The following ASAP2 variants were observed in gnomAD, a reference collection of about 807,000 sequenced individuals.
ASAP2 encodes the protein ArfGAP with SH3 domain, ankyrin repeat and PH domain 2, also known as arf-GAP with SH3 domain, ANK repeat and PH domain-containing protein 2.
In ASAP2, 45 loss-of-function variants were observed where a neutral mutation model predicts 131.4. The observed-to-expected ratio is 0.34, with a 90% CI of 0.27 to 0.44. The LOEUF (loss-of-function observed/expected upper bound fraction) is 0.44. Ranked by LOEUF, ASAP2 falls within the 20% of genes least tolerant of loss-of-function variation. ASAP2 has a pLI of 1.00. For synonymous variants in ASAP2, 510 were observed against 503.0 expected, an observed-to-expected ratio of 1.01 and a Z score of -0.19; for missense variants, 1,011 against 1,297.0, an observed-to-expected ratio of 0.78 and a Z score of 3.39.
intron 15 of ASAP2, among the ~76,000 whole-genome samples, chr2:9,359,216 C>T (rs374323344): frequency 2.0e-5 from 3 of 152,220 alleles, no homozygotes; most frequent in African/African-American, 7.2e-5. Flanking sequence ...TGGAATGCAA[C>T]GTCTAAAGAC....
intron 3 of ASAP2, among the ~76,000 whole-genome samples, chr2:9,310,748 G>A (rs1327620879): frequency 6.6e-6 from 1 of 152,108 alleles, no homozygotes; most frequent in Non-Finnish European, 1.5e-5. Context: ...CAGATCTACA[G>A]GCAAGGAATT....
chr2:9,327,943 G>A (rs374014789), intron 7 of ASAP2, 32 bp downstream of exon 7: 1 of 1,501,738 alleles, frequency 6.7e-7, no homozygotes, highest in South Asian at 1.3e-5. Flanking sequence ...TATCTTAAAT[G>A]TTTGTTCATG....
chr2:9,242,382 C>T (rs968363436), intron 1 of ASAP2, among the ~76,000 whole-genome samples: 6 of 152,220 alleles, frequency 3.9e-5, no homozygotes, highest in Admixed American at 1.3e-4. Context: ...TTCACTGTAA[C>T]CTCTAGTGAT....
intron 11 of ASAP2, among the ~76,000 whole-genome samples, chr2:9,349,673 C>A (rs547206838): frequency 6.6e-6 from 1 of 152,274 alleles, no homozygotes; most frequent in East Asian, 1.9e-4. Context: ...CTAGTACAAC[C>A]CTGTTTATCT....
In ASAP2 at chr2:9,207,274, C is replaced by T. The variant is rs1183241246; in HGVS notation, c.126+44C>T. Reference sequence around the variant, plus strand: ...CGGCTCCGGCCGCAGGTATCCCGCGCCCCAGCCCCGCCCGCCGCTCCCGCA... The same window carrying T: ...CGGCTCCGGCCGCAGGTATCCCGCGTCCCAGCCCCGCCCGCCGCTCCCGCA... On this transcript the variant is annotated intron_variant, in intron 1 of 27. Coordinates refer to ENST00000281419, the MANE Select transcript of ASAP2 (RefSeq NM_003887.3). The surrounding 1 kb of genome is among the most constrained non-coding windows in gnomAD (Gnocchi z 4.1). 1.4e-6 allele frequency: 2 copies of T among 1,477,316 alleles called. No homozygotes were observed. Among genetic ancestry groups the T allele is most frequent in the Admixed American group, 2.5e-5 (1 of 39,472 alleles). 91.5% of individuals were successfully genotyped at this position (1,477,316 alleles called of 1,614,324 possible).
At chr2:9,365,908 T>A (rs1173874746) in intron 15 of ASAP2, among the ~76,000 whole-genome samples, 3 of 152,104 alleles carry the variant, frequency 2.0e-5, no homozygotes, top group Non-Finnish European at 4.4e-5. Context: ...TGAGCTACCC[T>A]GGGTGATACA....
chr2:9,211,276 T>G (rs1661530661), intron 1 of ASAP2, among the ~76,000 whole-genome samples: 1 of 152,208 alleles, frequency 6.6e-6, no homozygotes, highest in Non-Finnish European at 1.5e-5. Context: ...TTAGCAAACT[T>G]AGCAAAGTCT....
chr2:9,359,669 T>A (rs147077103), intron 15 of ASAP2, among the ~76,000 whole-genome samples: 28 of 152,304 alleles, frequency 1.8e-4, no homozygotes, highest in Admixed American at 1.0e-3. Context: ...GAATTTAACG[T>A]CAAGAGCAAT....
chr2:9,316,379 A>G (rs1395344599), intron 3 of ASAP2, among the ~76,000 whole-genome samples: 1 of 152,174 alleles, frequency 6.6e-6, no homozygotes, highest in African/African-American at 2.4e-5. Flanking sequence ...AAGTGGTGCC[A>G]TTTTATCTTC....
In ASAP2 at chr2:9,279,378, G is replaced by C. The variant is rs1457827128; in HGVS notation, c.188G>C (p.Ser63Thr). The C allele has an allele frequency of 6.8e-6, 11 of 1,613,990 alleles. No individual in the cohort carries two copies. Among genetic ancestry groups the C allele is most frequent in the Non-Finnish European group, 9.3e-6 (11 of 1,179,970 alleles). Residue 63 changes from serine to threonine, a missense_variant, in exon 2 of 28, where the codon AGC becomes ACC. Ser to Thr is a moderately conservative substitution (Grantham distance 58). Transcript: ENST00000281419. ...KMKKSVKAIN[S>T]SGLAHVENEE... ...AAGAAATCCGTGAAAGCAATCAACA[G>C]CTCTGGGCTGGGTGAGTATACATCC...
At chr2:9,345,496 G>A (rs116567340) in intron 11 of ASAP2, among the ~76,000 whole-genome samples, 5,846 of 152,232 alleles carry the variant, frequency 0.038, 157 homozygotes, top group Non-Finnish European at 0.055. Context: ...TTCCATGGCA[G>A]CGTTATACAT....
At chr2:9,350,750 A>C in intron 11 of ASAP2, 58 bp from the exon 12 acceptor site, 2 of 1,463,664 alleles carry the variant, frequency 1.4e-6, no homozygotes, top group Non-Finnish European at 9.5e-7. Flanking sequence ...ATACTGTATG[A>C]TTTTCCATTC....
intron 15 of ASAP2, among the ~76,000 whole-genome samples, chr2:9,363,416 T>G (rs951426767): frequency 1.7e-4 from 26 of 152,220 alleles, no homozygotes; most frequent in Non-Finnish European, 2.9e-5. Context: ...TGTGCAAGCC[T>G]TCCCTTTTCT....
At chr2:9,271,747 C>T in intron 1 of ASAP2, 1 of 407,952 alleles carries the variant, frequency 2.5e-6, no homozygotes, top group Non-Finnish European at 4.3e-6. Context: ...GGCAGTGGCT[C>T]AGTGACTGGG....
At chr2:9,236,073 G>A (rs1231632279) in intron 1 of ASAP2, among the ~76,000 whole-genome samples, 1 of 152,118 alleles carries the variant, frequency 6.6e-6, no homozygotes, top group Non-Finnish European at 1.5e-5. Flanking sequence ...AAGTGTGTCC[G>A]GGCCTGATGT....
At chr2:9,370,345 T>G (rs1321540446) in intron 16 of ASAP2, among the ~76,000 whole-genome samples, 1 of 152,178 alleles carries the variant, frequency 6.6e-6, no homozygotes, top group Non-Finnish European at 1.5e-5. Context: ...TTAAAGTCAG[T>G]TTATGTTTGA....
Position 9,393,593 on chromosome 2 carries a change from C to T in ASAP2, c.2630C>T (p.Pro877Leu). 1.3e-6 allele frequency: 2 copies of T among 1,594,244 alleles called. No homozygotes were observed. The highest frequency in any genetic ancestry group is 1.7e-6 in the Non-Finnish European group (2 of 1,172,076). The change falls in exon 24 of 28, where the codon CCA becomes CTA. Residue 877 changes from proline to leucine, a missense_variant. Physicochemically the swap from Pro to Leu is moderately conservative, Grantham distance 98. Around this residue, in one of 2 missense-constraint regions of ASAP2, gnomAD observed 652 missense variants for 698.9 expected, o/e 0.93. Transcript: ENST00000281419. ...CCTGGGATCTCACAGATCAGGCCCC[C>T]ACCTCTGCCCCCACAGCCGCCCAGC... ...APPGISQIRP[P>L]PLPPQPPSRL...
At chr2:9,352,531 G>A (rs918490548) in intron 12 of ASAP2, among the ~76,000 whole-genome samples, 1 of 152,186 alleles carries the variant, frequency 6.6e-6, no homozygotes, top group Non-Finnish European at 1.5e-5. Flanking sequence ...TCCACAGGGA[G>A]ACCCTGCTAG....
At chr2:9,286,604 T>C (rs1458223357) in intron 2 of ASAP2, among the ~76,000 whole-genome samples, 3 of 152,178 alleles carry the variant, frequency 2.0e-5, no homozygotes, top group Non-Finnish European at 4.4e-5. Context: ...GAAAGCAGTT[T>C]GGTGGTACAC....
Sources: allele counts gnomAD v4.1 joint callset (sites outside exome capture counted in the v4.1 genomes callset), GRCh38; gene constraint gnomAD v4.1.1; regional missense constraint gnomAD v4.1.1; non-coding constraint Gnocchi (gnomAD v3.1); transcripts MANE v1.5; gene names NCBI Gene and HGNC (gene_info 2026-07-23, HGNC 2026-07-21).